SEMA6A: variants seen among roughly 807,000 people sequenced by gnomAD.
SEMA6A encodes semaphorin 6A.
Under a neutral mutation model 96.8 loss-of-function variants are expected in SEMA6A, and 25 were observed. The ratio of observed to expected loss-of-function variants is 0.26; its 90% CI spans 0.19 to 0.36. The LOEUF (loss-of-function observed/expected upper bound fraction) is 0.36, where lower values mean the gene tolerates loss of function less well. SEMA6A is among the 10% of genes least tolerant of loss of function. The pLI, the probability that SEMA6A is intolerant of heterozygous loss-of-function variation, is 1.00. For missense variants in SEMA6A, 1,363 were observed against 1,323.1 expected (o/e 1.03, Z -0.47); for synonymous variants, 612 against 518.0 (o/e 1.18, Z -2.46).
chr5:116,514,156 G>A (rs917815601), intron 1 of SEMA6A, among the ~76,000 whole-genome samples: 5 of 152,182 alleles, frequency 3.3e-5, no homozygotes, highest in Admixed American at 2.6e-4. Context: ...ACCCAGTAAC[G>A]AGATTGCTGG....
chr5:116,555,217 T>C (rs1368142933), intron 1 of SEMA6A, among the ~76,000 whole-genome samples: 1 of 152,192 alleles, frequency 6.6e-6, no homozygotes, highest in African/African-American at 2.4e-5. Context: ...CTAGAATGGA[T>C]AAAGCCAAAA....
At chr5:116,544,248 T>C in intron 1 of SEMA6A, among the ~76,000 whole-genome samples, 1 of 152,064 alleles carries the variant, frequency 6.6e-6, no homozygotes, top group South Asian at 2.1e-4. Flanking sequence ...TACAGAGGTC[T>C]CCTGAGGTCT....
At chr5:116,526,554 C>G (rs544481934) in intron 1 of SEMA6A, among the ~76,000 whole-genome samples, 12 of 152,156 alleles carry the variant, frequency 7.9e-5, no homozygotes, top group Non-Finnish European at 1.6e-4. Context: ...GACAGGTATA[C>G]CAATAAAAAG....
In SEMA6A at chr5:116,446,854, T is replaced by G; in HGVS notation, c.2852A>C (p.Gln951Pro). The G allele has an allele frequency of 1.2e-6, 2 of 1,613,964 alleles. No individual in the cohort carries two copies. Among genetic ancestry groups the G allele is most frequent in the Non-Finnish European group, 8.5e-7 (1 of 1,179,890 alleles). Residue 951 changes from glutamine (Q) to proline (P), a missense_variant, in exon 19 of 19, where the codon CAG becomes CCG. Gln to Pro is a moderately conservative substitution (Grantham distance 76). This residue lies in a region of SEMA6A where 883 missense variants were observed against 763.6 expected (regional missense o/e 1.16). Transcript: ENST00000343348. ...CGGGTTGTCTCCCCTGCCAAAGCTC[T>G]GGTTTCTGGAGAGGTGAGAGGAATT... ...SSNSSHLSRN[Q>P]SFGRGDNPPP...
At chr5:116,562,936 G>T in intron 1 of SEMA6A, 1 of 584,808 alleles carries the variant, frequency 1.7e-6, no homozygotes, top group Non-Finnish European at 3.2e-6. Flanking sequence ...TATGAAGATG[G>T]GGTGGATAGA....
At chr5:116,566,314 A>C (rs1424695117) in intron 1 of SEMA6A, among the ~76,000 whole-genome samples, 1 of 152,192 alleles carries the variant, frequency 6.6e-6, no homozygotes, top group Non-Finnish European at 1.5e-5. Flanking sequence ...TTAATGTTCT[A>C]CAGATGACAA....
At chr5:116,481,852 C>G (rs1301846703) in intron 11 of SEMA6A, among the ~76,000 whole-genome samples, 1 of 152,056 alleles carries the variant, frequency 6.6e-6, no homozygotes, top group Non-Finnish European at 1.5e-5. Flanking sequence ...GAAAAGAATT[C>G]TAAGCCATGA....
chr5:116,556,054 C>T (rs1420254589), intron 1 of SEMA6A, among the ~76,000 whole-genome samples: 2 of 152,254 alleles, frequency 1.3e-5, no homozygotes, highest in Admixed American at 1.3e-4. Context: ...TAGCTCAAGG[C>T]ACCATGGGCC....
At chr5:116,534,029 GA>G (rs1351168216) in intron 1 of SEMA6A, among the ~76,000 whole-genome samples, 9 of 152,092 alleles carry the variant, frequency 5.9e-5, no homozygotes, top group Non-Finnish European at 5.9e-5. Context: ...TTCTTCCCTT[GA>G]GGGAAAAGTC....
chr5:116,485,970 C>G (rs1757030746), intron 10 of SEMA6A, among the ~76,000 whole-genome samples: 1 of 152,176 alleles, frequency 6.6e-6, no homozygotes, highest in Admixed American at 6.5e-5. Flanking sequence ...GGAACAATTA[C>G]CAGTGCATCA....
intron 1 of SEMA6A, among the ~76,000 whole-genome samples, chr5:116,557,464 G>C (rs1369727712): frequency 6.6e-6 from 1 of 152,166 alleles, no homozygotes; most frequent in Non-Finnish European, 1.5e-5. Flanking sequence ...GGCCTGCTTT[G>C]GCCTCGCAAA....
chr5:116,524,789 G>GACACACACACACACAC (rs1379145592), intron 1 of SEMA6A, among the ~76,000 whole-genome samples: 1 of 130,594 alleles, frequency 7.7e-6, no homozygotes, highest in African/African-American at 3.4e-5. Context: ...CACACACACA[G>GACACACACACACACAC]ACACACACAC....
At chr5:116,483,892 C>T (rs1406485188) in intron 10 of SEMA6A, among the ~76,000 whole-genome samples, 1 of 151,772 alleles carries the variant, frequency 6.6e-6, no homozygotes, top group Admixed American at 6.6e-5. Flanking sequence ...GGTGAAACCC[C>T]GTCTCTACTA....
chr5:116,535,817 T>TC (rs1759683627), intron 1 of SEMA6A, among the ~76,000 whole-genome samples: 1 of 152,244 alleles, frequency 6.6e-6, no homozygotes, highest in African/African-American at 2.4e-5. Context: ...TTTTCAACAA[T>TC]TCAGATTTTC....
chr5:116,567,766 G>A (rs1468583631), intron 1 of SEMA6A, among the ~76,000 whole-genome samples: 1 of 152,156 alleles, frequency 6.6e-6, no homozygotes, highest in Non-Finnish European at 1.5e-5. Flanking sequence ...CACGCCACAA[G>A]ATCTAACGAA....
At position 116,502,438 on chromosome 5, in the gene SEMA6A, C is replaced by T. The variant is rs1302795518; in HGVS notation, c.101-111G>A. 6.4e-6 allele frequency: 5 copies of T among 784,800 alleles called. No homozygotes were observed. In the East Asian group the frequency reaches 1.0e-4, roughly 16 times the overall value. 48.6% of individuals were successfully genotyped at this position (784,800 alleles called of 1,614,324 possible). On this transcript the variant is annotated intron_variant, in intron 2 of 18. Coordinates refer to ENST00000343348, the MANE Select transcript of SEMA6A (RefSeq NM_020796.5). ...AAAAGAAACCCGTGTTTAAGTCAGACCATGCCACCATTTTCCATTTCCATA... is the reference window on the plus strand; with the variant it reads ...AAAAGAAACCCGTGTTTAAGTCAGATCATGCCACCATTTTCCATTTCCATA...
chr5:116,570,334 C>T lies in SEMA6A; in HGVS notation c.-39+3851G>A, dbSNP rs558375246. Among the ~76,000 whole-genome samples, 6 of 145,756 alleles carry T rather than the reference C, an allele frequency of 4.1e-5. No homozygotes were observed. The East Asian group carries it at 1.2e-3, about 30-fold the overall frequency. On this transcript the variant is annotated intron_variant, in intron 1 of 18. Transcript: ENST00000343348. ...CAGAGAAAACTTGGCTCCAAGGCAC[C>T]CCAAGAGAGTGGGGGGGGTTCCTGA...
In SEMA6A at chr5:116,446,139, T is replaced by TA. The variant is rs1754184646; in HGVS notation, c.*473dup. 1 of 154,126 alleles carries TA rather than the reference T, an allele frequency of 6.5e-6. No homozygotes were observed. 9.5% of individuals were successfully genotyped at this position (154,126 alleles called of 1,614,324 possible). A position where few individuals can be genotyped will look rare whatever the true frequency, so the allele number is the denominator to read the frequency against. ...TTGTCTTTTTAAATTTTCTTGATTT[T>TA]AAAAAATGTATTTGTGTTTTGCAGG... On this transcript the variant is annotated 3_prime_UTR_variant, in exon 19 of 19. Transcript: ENST00000343348.
chr5:116,561,967 T>A (rs74930967), intron 1 of SEMA6A, among the ~76,000 whole-genome samples: 37 of 148,790 alleles, frequency 2.5e-4, no homozygotes, highest in East Asian at 1.6e-3. Flanking sequence ...CTTTATAATT[T>A]AAAAAAAAAA....
Sources: gnomAD v4.1 joint callset for allele counts (sites outside exome capture counted in the v4.1 genomes callset) on GRCh38, gnomAD v4.1.1 for gene constraint, gnomAD v4.1.1 regional missense constraint, MANE v1.5 for transcripts, NCBI Gene and HGNC (gene_info 2026-07-23, HGNC 2026-07-21) for gene names.